Variants in HSP90B1 observed in about 807,000 individuals in gnomAD.
The protein encoded by HSP90B1 is heat shock protein 90 beta family member 1.
A neutral mutation model predicts 100.4 loss-of-function variants in HSP90B1; 27 were observed. The observed-to-expected ratio is 0.27, with a 90% CI of 0.20 to 0.37. HSP90B1 has a LOEUF of 0.37. Among genes scored for constraint, HSP90B1 ranks in the 10% least tolerant of loss-of-function variants. The pLI is 1.00. For missense variants in HSP90B1, 678 were observed against 960.5 expected, an observed-to-expected ratio of 0.71 and a Z score of 3.89; for synonymous variants, 304 against 330.8, an observed-to-expected ratio of 0.92 and a Z score of 0.88.
chr12:103,941,608 A>G lies in HSP90B1; in HGVS notation c.1231-21A>G, dbSNP rs573209364. 3 of 1,613,840 alleles carry G rather than the reference A, an allele frequency of 1.9e-6. No homozygotes were observed. The African/African-American group carries it at 4.0e-5, about 22-fold the overall frequency. ...TTGAAAGTTTAATTTCCAGAAAGTG[A>G]CTTTTTTTTGGTCTCTTTAGCTCTA... is the stretch of plus-strand genomic sequence containing the variant. On this transcript the variant is annotated intron_variant, in intron 9 of 17. Transcript: ENST00000299767.
intron 8 of HSP90B1, among the ~76,000 whole-genome samples, chr12:103,940,871 T>A (rs938560100): frequency 3.9e-5 from 6 of 152,212 alleles, no homozygotes; most frequent in African/African-American, 1.2e-4. Context: ...ACATCTGAAT[T>A]TGAACTAGCT....
At chr12:103,938,506 AGGCAAAACC>A in intron 7 of HSP90B1, 47 bp downstream of exon 7, 7 of 1,571,292 alleles carry the variant, frequency 4.5e-6, no homozygotes, top group Non-Finnish European at 6.0e-6. Flanking sequence ...TAACATGTAT[AGGCAAAACC>A]AGGAAAACCT....
chr12:103,940,088 T>A (rs1165685), intron 8 of HSP90B1, among the ~76,000 whole-genome samples: 74,876 of 151,832 alleles, frequency 0.49, 19,332 homozygotes, highest in East Asian at 0.77. Context: ...GTGATTTTTT[T>A]AAAAAAATTA....
At position 103,943,302 on chromosome 12, in the gene HSP90B1, A is replaced by AAAGCCCT; in HGVS notation, c.1874_1880dup (p.Lys628SerfsTer3). 1 of 1,614,096 alleles carries AAAGCCCT rather than the reference A, an allele frequency of 6.2e-7. No individual in the cohort carries two copies. Among genetic ancestry groups the AAAGCCCT allele is most frequent in the Non-Finnish European group, 8.5e-7 (1 of 1,179,924 alleles). ...GCCTCTGCTGAATTGGATGAAAGATAAAGCCCTTAAGGACAAGGTACTGTG... is the reference window on the plus strand; with the variant it reads ...GCCTCTGCTGAATTGGATGAAAGATAAAGCCCTAAGCCCTTAAGGACAAGGTACTGTG... On this transcript the variant is annotated frameshift_variant, in exon 13 of 18. Transcript: ENST00000299767. LOFTEE classifies it high-confidence loss of function. This position sits in a 1 kb window ranked among gnomAD's most constrained non-coding sequence, Gnocchi z 5.3.
At position 103,943,615 on chromosome 12, in the gene HSP90B1, A is replaced by G. The variant is rs1300454706; in HGVS notation, c.1891-123A>G. The G allele has an allele frequency of 4.8e-6, 5 of 1,034,084 alleles. No individual in the cohort carries two copies. Among genetic ancestry groups the G allele is most frequent in the Non-Finnish European group, 6.9e-6 (5 of 728,208 alleles). The allele number at this position is 1,034,084 out of a possible 1,614,324, so 64.1% of individuals were successfully genotyped here. A position where few individuals can be genotyped will look rare whatever the true frequency, so the allele number is the denominator to read the frequency against. ...ATTCTCCTAAACCTTAAGAAAAGCTATTTTTATGACCTGCTTCTGTGTTTA... is the reference window on the plus strand; with the variant it reads ...ATTCTCCTAAACCTTAAGAAAAGCTGTTTTTATGACCTGCTTCTGTGTTTA... On this transcript the variant is annotated intron_variant, in intron 13 of 17. Transcript: ENST00000299767. The surrounding 1 kb of genome is among the most constrained non-coding windows in gnomAD (Gnocchi z 5.3).
At chr12:103,934,537 G>A (rs1484153094) in intron 5 of HSP90B1, among the ~76,000 whole-genome samples, 1 of 152,170 alleles carries the variant, frequency 6.6e-6, no homozygotes, top group Non-Finnish European at 1.5e-5. Flanking sequence ...AAGGGAGAAG[G>A]CTTCTTGGGT....
chr12:103,938,246 C>G, intron 6 of HSP90B1, 94 bp from the exon 7 acceptor site: 2 of 1,156,296 alleles, frequency 1.7e-6, no homozygotes, highest in South Asian at 3.4e-5. Context: ...TTACAAAAAC[C>G]TATTTTTTGA....
chr12:103,931,262 A>G (rs969735980), intron 1 of HSP90B1, among the ~76,000 whole-genome samples: 15 of 152,150 alleles, frequency 9.9e-5, no homozygotes, highest in African/African-American at 3.6e-4. Context: ...GCTTAACGTT[A>G]TTTATAAATG....
At chr12:103,942,964 C>A in intron 12 of HSP90B1, 110 bp from the exon 13 acceptor site, 2 of 1,472,100 alleles carry the variant, frequency 1.4e-6, no homozygotes, top group Non-Finnish European at 1.8e-6. Flanking sequence ...CCTCTTAATT[C>A]TTCACCTGTA....
At position 103,930,528 on chromosome 12, in the gene HSP90B1, T is replaced by G; in HGVS notation, c.13T>G (p.Trp5Gly). 2 of 1,609,774 alleles carry G rather than the reference T, an allele frequency of 1.2e-6. No homozygotes were observed. The highest frequency in any genetic ancestry group is 1.7e-6 in the Non-Finnish European group (2 of 1,178,256). Residue 5 changes from tryptophan (W) to glycine (G), a missense_variant, in exon 1 of 18, where the codon TGG becomes GGG. Trp to Gly is a radical substitution (Grantham distance 184). Around this residue, in one of 8 missense-constraint regions of HSP90B1, gnomAD observed 88 missense variants for 88.2 expected, o/e 1.00. Coordinates refer to ENST00000299767, the MANE Select transcript of HSP90B1 (RefSeq NM_003299.3). The surrounding 1 kb of genome is among the most constrained non-coding windows in gnomAD (Gnocchi z 4.4). MRAL[W>G]VLGLCCVLLT... ...CCGGCCGCACGCCATGAGGGCCCTG[T>G]GGGTGCTGGGCCTCTGCTGCGTCCT... is the stretch of plus-strand genomic sequence containing the variant.
At chr12:103,940,337 T>G (rs1191262813) in intron 8 of HSP90B1, among the ~76,000 whole-genome samples, 3 of 150,810 alleles carry the variant, frequency 2.0e-5, no homozygotes, top group African/African-American at 7.3e-5. Flanking sequence ...CCTTGCCTGT[T>G]TTTTTTTTTC....
chr12:103,938,490 A>G, intron 7 of HSP90B1, 31 bp downstream of exon 7: 1 of 1,594,716 alleles, frequency 6.3e-7, no homozygotes, highest in Non-Finnish European at 8.5e-7. Flanking sequence ...TGCATAAGAT[A>G]TTGTTTAACA....
chr12:103,942,480 A>G (rs761439668), intron 11 of HSP90B1, 47 bp from the exon 12 acceptor site: 4 of 1,576,318 alleles, frequency 2.5e-6, no homozygotes, highest in Non-Finnish European at 3.5e-6. Context: ...CATTCTCAAA[A>G]GTTGGAGATT....
At position 103,943,853 on chromosome 12, in the gene HSP90B1, C is replaced by T. The variant is rs767257687; in HGVS notation, c.2006C>T (p.Thr669Met). The T allele has an allele frequency of 7.4e-6, 12 of 1,613,750 alleles. No individual in the cohort carries two copies. Among genetic ancestry groups the T allele is most frequent in the African/African-American group, 4.0e-5 (3 of 74,920 alleles). ...ERIMKAQAYQTGKDISTNYYA... is the reference protein window; with the variant it reads ...ERIMKAQAYQMGKDISTNYYA... ...ATCATGAAAGCACAAGCGTACCAAA[C>T]GGGCAAGGACATCTCTACAAAGTAA... The change falls in exon 14 of 18, where the codon ACG (threonine) becomes ATG (methionine). Residue 669 changes from threonine (T) to methionine (M), a missense_variant. Physicochemically the swap from Thr to Met is moderately conservative, Grantham distance 81. Coordinates refer to ENST00000299767, the MANE Select transcript of HSP90B1 (RefSeq NM_003299.3). This position sits in a 1 kb window ranked among gnomAD's most constrained non-coding sequence, Gnocchi z 5.3.
chr12:103,944,021 G>T (rs1566167973), intron 14 of HSP90B1, 147 bp downstream of exon 14: 4 of 633,436 alleles, frequency 6.3e-6, no homozygotes, highest in East Asian at 3.1e-5. Context: ...GTTTACGAAG[G>T]GATTTCTCCT....
intron 5 of HSP90B1, among the ~76,000 whole-genome samples, chr12:103,935,589 A>G (rs1869889969): frequency 6.6e-6 from 1 of 152,248 alleles, no homozygotes. Context: ...TTTAATGAAG[A>G]CTAATTAGAT....
chr12:103,938,183 AAAG>A, intron 6 of HSP90B1, 154 bp from the exon 7 acceptor site: 1 of 594,042 alleles, frequency 1.7e-6, no homozygotes, highest in African/African-American at 1.9e-5. Flanking sequence ...AAAAAAAAAA[AAAG>A]AATGAAGGCA....
Position 103,938,436 on chromosome 12 carries a change from G to A in HSP90B1, c.952G>A (p.Glu318Lys). 1.2e-6 allele frequency: 2 copies of A among 1,606,698 alleles called. No individual in the cohort carries two copies. Among genetic ancestry groups the A allele is most frequent in the East Asian group, 2.2e-5 (1 of 44,774 alleles). Residue 318 changes from glutamate to lysine, a missense_variant, in exon 7 of 18, where the codon GAA becomes AAA. Glu to Lys is a moderately conservative substitution (Grantham distance 56). This residue lies in a region of HSP90B1 where 238 missense variants were observed against 346.7 expected (regional missense o/e 0.69). Coordinates refer to ENST00000299767, the MANE Select transcript of HSP90B1 (RefSeq NM_003299.3). The part of the protein sequence containing the change: ...DEAAVEEEEE[E>K]KKPKTKKVEK... Reference sequence around the variant, plus strand: ...AGCTGCAGTAGAGGAAGAAGAAGAAGAAAAGAAACCAAAGACTAAAAAAGT... The same window carrying A: ...AGCTGCAGTAGAGGAAGAAGAAGAAAAAAAGAAACCAAAGACTAAAAAAGT...
At position 103,946,769 on chromosome 12, in the gene HSP90B1, ATCT is replaced by A. The variant is rs750720461; in HGVS notation, c.2107-12_2107-10del. On this transcript the variant is annotated splice_polypyrimidine_tract_variant and intron_variant, in intron 15 of 17. Transcript: ENST00000299767. ...GTATCTTTTAATATTAATCTAGTGC[ATCT>A]TCTTGCATTTCAGGAAGATGAAGAT... is the stretch of plus-strand genomic sequence containing the variant. 9 of 1,613,694 alleles carry A rather than the reference ATCT, an allele frequency of 5.6e-6. No individual in the cohort carries two copies. In the East Asian group the frequency reaches 6.7e-5, roughly 12 times the overall value.
Sources: allele counts gnomAD v4.1 joint callset (sites outside exome capture counted in the v4.1 genomes callset), GRCh38; gene constraint gnomAD v4.1.1; regional missense constraint gnomAD v4.1.1; non-coding constraint Gnocchi (gnomAD v3.1); transcripts MANE v1.5; gene names NCBI Gene and HGNC (gene_info 2026-07-23, HGNC 2026-07-21).